Variants in GABRB1 observed in about 807,000 individuals in gnomAD.
GABRB1 encodes gamma-aminobutyric acid receptor subunit beta-1.
In GABRB1, 17 loss-of-function variants were observed where a neutral mutation model predicts 51.6. The ratio of observed to expected loss-of-function variants is 0.33; its 90% CI spans 0.23 to 0.49. The LOEUF (loss-of-function observed/expected upper bound fraction) is 0.49, where lower values mean the gene tolerates loss of function less well. Ranked by LOEUF, GABRB1 falls within the 20% of genes least tolerant of loss-of-function variation. GABRB1 has a pLI of 0.99. For missense variants in GABRB1, 410 were observed against 600.6 expected, an observed-to-expected ratio of 0.68 and a Z score of 3.32; for synonymous variants, 247 against 218.9, an observed-to-expected ratio of 1.13 and a Z score of -1.14.
chr4:47,309,639 A>C (rs1724597026), intron 4 of GABRB1, among the ~76,000 whole-genome samples: 1 of 152,180 alleles, frequency 6.6e-6, no homozygotes, highest in Non-Finnish European at 1.5e-5. Flanking sequence ...CATTAAAATT[A>C]TGTCCATGGA....
At chr4:47,195,563 A>G (rs1246688543) in intron 4 of GABRB1, among the ~76,000 whole-genome samples, 2 of 152,162 alleles carry the variant, frequency 1.3e-5, no homozygotes, top group East Asian at 3.8e-4. Context: ...CTACCACCTC[A>G]TACTCCAAAA....
chr4:47,099,892 T>C (rs1384467377), intron 3 of GABRB1, among the ~76,000 whole-genome samples: 1 of 152,018 alleles, frequency 6.6e-6, no homozygotes, highest in Admixed American at 6.6e-5. Flanking sequence ...AAATGCCTTA[T>C]TTAGTGATTA....
chr4:47,177,014 C>T (rs1168269867), intron 4 of GABRB1, among the ~76,000 whole-genome samples: 1 of 152,032 alleles, frequency 6.6e-6, no homozygotes, highest in Admixed American at 6.6e-5. Context: ...GATTTCATGG[C>T]CTACAGGCTC....
At chr4:47,119,912 G>T (rs371813741) in intron 3 of GABRB1, among the ~76,000 whole-genome samples, 1 of 152,004 alleles carries the variant, frequency 6.6e-6, no homozygotes, top group African/African-American at 2.4e-5. Flanking sequence ...AAAAAAAAGG[G>T]CATGTGGCCA....
At chr4:47,354,494 T>C (rs1156367738) in intron 5 of GABRB1, among the ~76,000 whole-genome samples, 2 of 152,180 alleles carry the variant, frequency 1.3e-5, no homozygotes, top group Admixed American at 1.3e-4. Context: ...CAGAACTCTG[T>C]GTTCTCATGC....
At chr4:47,229,264 A>G in intron 4 of GABRB1, among the ~76,000 whole-genome samples, 1 of 152,192 alleles carries the variant, frequency 6.6e-6, no homozygotes, top group East Asian at 1.9e-4. Flanking sequence ...TTGAACTTCC[A>G]TTCAGTATTG....
At chr4:47,389,875 A>G (rs1261169074) in intron 5 of GABRB1, among the ~76,000 whole-genome samples, 1 of 152,208 alleles carries the variant, frequency 6.6e-6, no homozygotes, top group Non-Finnish European at 1.5e-5. Flanking sequence ...AGTAAGAGGA[A>G]TTAGGGAGTG....
At chr4:47,187,121 T>G (rs1719212830) in intron 4 of GABRB1, among the ~76,000 whole-genome samples, 1 of 151,898 alleles carries the variant, frequency 6.6e-6, no homozygotes, top group East Asian at 1.9e-4. Flanking sequence ...TCAAAACTTC[T>G]TTTATCAACG....
chr4:47,091,202 T>C (rs1411848134), intron 3 of GABRB1, among the ~76,000 whole-genome samples: 1 of 152,094 alleles, frequency 6.6e-6, no homozygotes, highest in Non-Finnish European at 1.5e-5. Context: ...AACAAGTAAT[T>C]ATCCTGCTCA....
intron 4 of GABRB1, among the ~76,000 whole-genome samples, chr4:47,195,977 G>A (rs570341303): frequency 6.6e-6 from 1 of 152,230 alleles, no homozygotes; most frequent in Non-Finnish European, 1.5e-5. Context: ...AGCAGAACTT[G>A]CTAGACATTC....
intron 3 of GABRB1, among the ~76,000 whole-genome samples, chr4:47,056,691 G>C (rs1726620719): frequency 6.6e-6 from 1 of 152,116 alleles, no homozygotes; most frequent in Non-Finnish European, 1.5e-5. Flanking sequence ...ACAAAAAAAA[G>C]GAAAGGATGT....
At chr4:47,273,136 C>T (rs1238825491) in intron 4 of GABRB1, among the ~76,000 whole-genome samples, 1 of 152,142 alleles carries the variant, frequency 6.6e-6, no homozygotes, top group South Asian at 2.1e-4. Flanking sequence ...GCCTTAAGAA[C>T]CTCCCTGTTT....
intron 4 of GABRB1, among the ~76,000 whole-genome samples, chr4:47,179,381 C>T (rs1577977713): frequency 6.6e-6 from 1 of 152,064 alleles, no homozygotes; most frequent in East Asian, 1.9e-4. Flanking sequence ...GGCGATTCCT[C>T]AAGGATCTAG....
At chr4:47,257,179 T>A (rs1050623737) in intron 4 of GABRB1, among the ~76,000 whole-genome samples, 5 of 152,180 alleles carry the variant, frequency 3.3e-5, no homozygotes, top group Admixed American at 3.3e-4. Context: ...TGTCTTACAC[T>A]GTTTATGTCA....
chr4:47,399,500 T>G (rs115998084), intron 5 of GABRB1, among the ~76,000 whole-genome samples: 23 of 151,296 alleles, frequency 1.5e-4, no homozygotes, highest in African/African-American at 5.7e-4. Flanking sequence ...TCTGAGAAAA[T>G]TACCCATTTC....
At chr4:47,017,635 C>T (rs191003633) in intron 1 of GABRB1, among the ~76,000 whole-genome samples, 71 of 149,218 alleles carry the variant, frequency 4.8e-4, no homozygotes, top group Non-Finnish European at 7.5e-4. Flanking sequence ...TTCACACTCA[C>T]ACACACACAC....
At chr4:47,158,992 G>C (rs7435958) in intron 3 of GABRB1, among the ~76,000 whole-genome samples, 20,994 of 151,744 alleles carry the variant, frequency 0.14, 1,901 homozygotes, top group East Asian at 0.33. Flanking sequence ...TAGAAATAAG[G>C]CAAGTCAGGA....
In GABRB1 at chr4:47,403,687, G is replaced by C; in HGVS notation, c.811G>C (p.Ala271Pro). Residue 271 changes from alanine (A) to proline (P), a missense_variant, in exon 7 of 9, where the codon GCA becomes CCA. Ala to Pro is a conservative substitution (Grantham distance 27, BLOSUM62 -1). Transcript: ENST00000295454. ...GGTGTCTTTTTGGATCAACTATGAT[G>C]CATCTGCAGCCAGAGTCGCACTAGG... ...SWVSFWINYD[A>P]SAARVALGIT... is the part of the protein sequence containing the mutation. 1 of 1,613,228 alleles carries C rather than the reference G, an allele frequency of 6.2e-7. No homozygotes were observed. The highest frequency in any genetic ancestry group is 8.5e-7 in the Non-Finnish European group (1 of 1,179,870).
At chr4:47,247,495 C>A (rs1005020402) in intron 4 of GABRB1, among the ~76,000 whole-genome samples, 7 of 152,030 alleles carry the variant, frequency 4.6e-5, no homozygotes, top group African/African-American at 1.7e-4. Flanking sequence ...CTTGCTTTGG[C>A]TATGCAAGCT....
Sources: allele counts gnomAD v4.1 joint callset (sites outside exome capture counted in the v4.1 genomes callset), GRCh38; gene constraint gnomAD v4.1.1; transcripts MANE v1.5; gene names NCBI Gene and HGNC (gene_info 2026-07-23, HGNC 2026-07-21).